The following OSBPL9 variants were observed in gnomAD, a reference collection of about 807,000 sequenced individuals.
The protein encoded by OSBPL9 is oxysterol binding protein like 9.
In OSBPL9, 40 loss-of-function variants were observed where a neutral mutation model predicts 106.6. That is an observed-to-expected ratio of 0.38 (90% confidence interval 0.29 to 0.49). The LOEUF (loss-of-function observed/expected upper bound fraction) is 0.49. OSBPL9 is among the 20% of genes least tolerant of loss of function. The pLI is 0.97. For missense variants in OSBPL9, 609 were observed against 887.2 expected (o/e 0.69, Z 3.98); for synonymous variants, 269 against 295.4 (o/e 0.91, Z 0.92).
intron 15 of OSBPL9, 113 bp from the exon 16 acceptor site, chr1:51,781,051 C>A: frequency 1.2e-6 from 1 of 841,274 alleles, no homozygotes. Flanking sequence ...AACTCCTGGT[C>A]CTAGGTCCTC....
At chr1:51,606,578 A>G (rs977903945) in intron 2 of OSBPL9, among the ~76,000 whole-genome samples, 17 of 152,358 alleles carry the variant, frequency 1.1e-4, no homozygotes, top group African/African-American at 4.1e-4. Context: ...TGTTTGAACA[A>G]TAATGCTGCT....
upstream of OSBPL9, among the ~76,000 whole-genome samples, chr1:51,613,505 T>A (rs1173545296): frequency 6.6e-6 from 1 of 152,168 alleles, no homozygotes; most frequent in Non-Finnish European, 1.5e-5. Flanking sequence ...AATGTGGAGA[T>A]TAAAATACTC....
intron 1 of OSBPL9, among the ~76,000 whole-genome samples, chr1:51,596,827 A>G (rs1645302601): frequency 6.6e-6 from 1 of 152,194 alleles, no homozygotes; most frequent in Non-Finnish European, 1.5e-5. Context: ...GTCCTCCTAT[A>G]TGCCAGGCAC....
intron 3 of OSBPL9, among the ~76,000 whole-genome samples, chr1:51,706,860 A>C (rs976815323): frequency 1.3e-5 from 2 of 152,088 alleles, no homozygotes; most frequent in African/African-American, 4.8e-5. Context: ...ATTTATTTTT[A>C]AAAATTCCAA....
intron 21 of OSBPL9, 37 bp downstream of exon 21, chr1:51,785,923 A>G (rs1279455064): frequency 2.6e-6 from 4 of 1,534,924 alleles, no homozygotes; most frequent in Middle Eastern, 2.3e-4. Flanking sequence ...TTTAGGCTAC[A>G]TTAGATTGTA....
At chr1:51,687,229 G>A (rs1386304015) in intron 3 of OSBPL9, among the ~76,000 whole-genome samples, 4 of 152,202 alleles carry the variant, frequency 2.6e-5, no homozygotes, top group Non-Finnish European at 5.9e-5. Flanking sequence ...CTGATGGAGT[G>A]CTATTCAGGG....
chr1:51,786,642 C>G, intron 22 of OSBPL9, 25 bp downstream of exon 22: 1 of 1,582,692 alleles, frequency 6.3e-7, no homozygotes, highest in African/African-American at 1.3e-5. Context: ...TTAAGTGGAA[C>G]TATTGCTGCA....
At position 51,755,053 on chromosome 1, in the gene OSBPL9, G is replaced by A. The variant is rs901406913; in HGVS notation, c.544-1267G>A. Among the ~76,000 whole-genome samples the A allele has an allele frequency of 2.0e-5, 3 of 151,960 alleles. 1 individual carries two copies. The highest frequency in any genetic ancestry group is 4.2e-4 in the South Asian group (2 of 4,814). ...AACTCTTGGCTTCAAGTGATTCTCCGTCCTCGGCCTTCCAAAATGCTGGCA... is the reference window on the plus strand; with the variant it reads ...AACTCTTGGCTTCAAGTGATTCTCCATCCTCGGCCTTCCAAAATGCTGGCA... On this transcript the variant is annotated intron_variant, in intron 8 of 23. Transcript: ENST00000428468.
chr1:51,558,055 C>T, the OSBPL9 span, among the ~76,000 whole-genome samples: 7 of 152,216 alleles, frequency 4.6e-5, no homozygotes, highest in African/African-American at 1.7e-4. Context: ...CCAAGGCGGG[C>T]AGATCACGAG....
intron 3 of OSBPL9, among the ~76,000 whole-genome samples, chr1:51,694,414 C>A (rs968023464): frequency 1.3e-5 from 2 of 152,110 alleles, no homozygotes; most frequent in African/African-American, 4.8e-5. Context: ...GAAAATGTAG[C>A]CTCAACAGAT....
At chr1:51,628,264 A>G (rs1644888995) in intron 1 of OSBPL9, among the ~76,000 whole-genome samples, 1 of 152,246 alleles carries the variant, frequency 6.6e-6, no homozygotes, top group African/African-American at 2.4e-5. Flanking sequence ...GAATCATTTT[A>G]TACATGATAT....
the OSBPL9 span, among the ~76,000 whole-genome samples, chr1:51,538,276 A>G: frequency 3.3e-5 from 5 of 152,216 alleles, no homozygotes; most frequent in East Asian, 5.8e-4. Context: ...TGGGCAACAG[A>G]GCACGACTCC....
chr1:51,580,822 C>T (rs1366485171), intron 1 of OSBPL9, among the ~76,000 whole-genome samples: 3 of 141,330 alleles, frequency 2.1e-5, no homozygotes, highest in Non-Finnish European at 4.6e-5. Context: ...GCAGTAAAAA[C>T]ATCCATGATA....
At chr1:51,566,790 T>C in the OSBPL9 span, among the ~76,000 whole-genome samples, 4 of 152,140 alleles carry the variant, frequency 2.6e-5, no homozygotes, top group Non-Finnish European at 4.4e-5. Context: ...CATTCTCTGA[T>C]CTTACCTGTC....
At chr1:51,583,883 C>G (rs1645234287) in intron 1 of OSBPL9, 1 of 152,188 alleles carries the variant, frequency 6.6e-6, no homozygotes, top group African/African-American at 2.4e-5. Context: ...CCCCTTGTGA[C>G]TCCTACATCA....
chr1:51,649,544 T>C (rs1646378471), intron 1 of OSBPL9, among the ~76,000 whole-genome samples: 2 of 152,154 alleles, frequency 1.3e-5, no homozygotes, highest in South Asian at 2.1e-4. Context: ...GAATGGCCTT[T>C]CCCCCACTAC....
chr1:51,670,030 T>A (rs753138566), intron 3 of OSBPL9, among the ~76,000 whole-genome samples: 7 of 152,236 alleles, frequency 4.6e-5, no homozygotes, highest in African/African-American at 1.2e-4. Flanking sequence ...TTGCCAGCCA[T>A]CATTTCTCTG....
intron 16 of OSBPL9, 122 bp downstream of exon 16, chr1:51,781,457 T>G: frequency 1.0e-6 from 1 of 997,290 alleles, no homozygotes; most frequent in Non-Finnish European, 1.5e-6. Flanking sequence ...ATAGAAGAAA[T>G]TGTTGTTAGA....
chr1:51,635,291 T>G (rs1645357565), intron 1 of OSBPL9, among the ~76,000 whole-genome samples: 1 of 151,864 alleles, frequency 6.6e-6, no homozygotes. Flanking sequence ...ACCCCATCTG[T>G]ATTAAAAAAA....
Sources: allele counts gnomAD v4.1 joint callset (sites outside exome capture counted in the v4.1 genomes callset), GRCh38; gene constraint gnomAD v4.1.1; transcripts MANE v1.5; gene names NCBI Gene and HGNC (gene_info 2026-07-23, HGNC 2026-07-21).